Variants in DDX60 observed in about 807,000 individuals in gnomAD.
DDX60 encodes the protein probable ATP-dependent RNA helicase DDX60.
Under a neutral mutation model 212.8 loss-of-function variants are expected in DDX60, and 165 were observed. The observed-to-expected ratio is 0.78, with a 90% CI of 0.68 to 0.88. The LOEUF is 0.88. Ranked by LOEUF, DDX60 falls within the 40% of genes least tolerant of loss-of-function variation. DDX60 has a pLI of 0.00. For missense variants in DDX60, 1,905 were observed against 2,003.9 expected (o/e 0.95, Z 0.94); for synonymous variants, 703 against 685.3 (o/e 1.03, Z -0.40).
intron 30 of DDX60, among the ~76,000 whole-genome samples, chr4:168,245,867 T>C (rs1026282473): frequency 2.0e-5 from 3 of 151,998 alleles, no homozygotes; most frequent in Non-Finnish European, 2.9e-5. Context: ...TACAACGATA[T>C]CAGTGTTTAA....
chr4:168,278,848 A>C (rs1265495571), intron 14 of DDX60, among the ~76,000 whole-genome samples: 1 of 152,114 alleles, frequency 6.6e-6, no homozygotes. Flanking sequence ...AAAACAAAAA[A>C]ACTACTGACT....
At position 168,224,256 on chromosome 4, in the gene DDX60, T is replaced by C; in HGVS notation, c.4811A>G (p.Glu1604Gly). 1 of 1,612,360 alleles carries C rather than the reference T, an allele frequency of 6.2e-7. No homozygotes were observed. The highest frequency in any genetic ancestry group is 8.5e-7 in the Non-Finnish European group (1 of 1,178,834). Residue 1604 changes from glutamate to glycine, a missense_variant, in exon 35 of 38, where the codon GAA becomes GGA. Physicochemically the swap from Glu to Gly is moderately conservative, Grantham distance 98. Transcript: ENST00000393743. ...CTCTTCACTTACATGGTTTGGAGTT[T>C]CTAGTCGAAGCAAATCATCATCAAA... ...GNFDDDLLRLETPNHVTLGTI... is the reference protein window; with the variant it reads ...GNFDDDLLRLGTPNHVTLGTI...
intron 6 of DDX60, among the ~76,000 whole-genome samples, chr4:168,298,505 T>A (rs1736506456): frequency 6.6e-6 from 1 of 152,162 alleles, no homozygotes; most frequent in Admixed American, 6.5e-5. Flanking sequence ...AGAAAAGCAG[T>A]CTTTTATTCT....
chr4:168,246,314 T>A (rs1035907919), intron 30 of DDX60, 104 bp downstream of exon 30: 9 of 1,315,998 alleles, frequency 6.8e-6, no homozygotes, highest in Admixed American at 4.2e-5. Context: ...AAAAGACTGA[T>A]GAAACTCAAG....
chr4:168,219,539 G>A (rs1421267664), intron 37 of DDX60, among the ~76,000 whole-genome samples: 6 of 152,052 alleles, frequency 3.9e-5, no homozygotes, highest in African/African-American at 1.2e-4. Context: ...GGACAAAGCA[G>A]TTTCCTTCTG....
intron 34 of DDX60, among the ~76,000 whole-genome samples, chr4:168,225,184 T>G (rs1299800297): frequency 6.6e-6 from 1 of 152,038 alleles, no homozygotes; most frequent in East Asian, 1.9e-4. Flanking sequence ...GAAAATATGC[T>G]CAGAATCTGT....
At chr4:168,227,982 G>A (rs1733318067) in intron 33 of DDX60, among the ~76,000 whole-genome samples, 1 of 152,016 alleles carries the variant, frequency 6.6e-6, no homozygotes, top group Non-Finnish European at 1.5e-5. Flanking sequence ...ATAGTCTGAT[G>A]TCACTTAATG....
intron 30 of DDX60, among the ~76,000 whole-genome samples, chr4:168,239,287 T>G (rs1270997164): frequency 6.6e-6 from 1 of 151,790 alleles, no homozygotes; most frequent in Non-Finnish European, 1.5e-5. Context: ...GATTGATAGA[T>G]GTAGATAGAT....
intron 5 of DDX60, among the ~76,000 whole-genome samples, chr4:168,304,882 T>A (rs1736809272): frequency 6.6e-6 from 1 of 152,250 alleles, no homozygotes; most frequent in African/African-American, 2.4e-5. Flanking sequence ...ACTGTATATA[T>A]TAATAACATC....
chr4:168,267,693 T>TA lies in DDX60; in HGVS notation c.2930-3dup. On this transcript the variant is annotated splice_polypyrimidine_tract_variant and splice_region_variant and intron_variant, in intron 21 of 37. Transcript: ENST00000393743. ...CATTATACCTCTCTCCATAGAGCACTAAAAATGAAGAACAAGAATTTCCAC... is the reference window on the plus strand; with the variant it reads ...CATTATACCTCTCTCCATAGAGCACTAAAAAATGAAGAACAAGAATTTCCAC... 6.4e-7 allele frequency: 1 copy of TA among 1,572,738 alleles called. No homozygotes were observed. The highest frequency in any genetic ancestry group is 8.6e-7 in the Non-Finnish European group (1 of 1,159,686).
At chr4:168,227,833 T>C (rs1733311915) in intron 33 of DDX60, among the ~76,000 whole-genome samples, 1 of 152,126 alleles carries the variant, frequency 6.6e-6, no homozygotes, top group African/African-American at 2.4e-5. Context: ...TATTTATAAA[T>C]TAATTTTTTA....
intron 1 of DDX60, among the ~76,000 whole-genome samples, chr4:168,315,453 GA>G (rs1340549383): frequency 6.6e-6 from 1 of 152,148 alleles, no homozygotes; most frequent in Non-Finnish European, 1.5e-5. Context: ...TACATGTGCA[GA>G]ACATGCAGGT....
At position 168,285,547 on chromosome 4, in the gene DDX60, C is replaced by T. The variant is rs373671654; in HGVS notation, c.1340-49G>A. The T allele has an allele frequency of 1.4e-3, 1,563 of 1,129,362 alleles. 1 individual carries two copies. The highest frequency in any genetic ancestry group is 1.8e-3 in the Non-Finnish European group (1,421 of 772,492). 70.0% of individuals were successfully genotyped at this position (1,129,362 alleles called of 1,614,324 possible). On this transcript the variant is annotated intron_variant, in intron 10 of 37. Coordinates refer to ENST00000393743, the MANE Select transcript of DDX60 (RefSeq NM_017631.6). ...GAGACAAGGTCAAATGTAAAGCTTT[C>T]AGACAGGAATATTACATATTATTTT...
At chr4:168,227,415 C>G (rs1437483958) in intron 33 of DDX60, among the ~76,000 whole-genome samples, 1 of 151,842 alleles carries the variant, frequency 6.6e-6, no homozygotes, top group Admixed American at 6.6e-5. Context: ...TAGTACTGCC[C>G]CATTTTCTTT....
At chr4:168,305,927 T>C (rs555834010) in intron 5 of DDX60, among the ~76,000 whole-genome samples, 2 of 152,278 alleles carry the variant, frequency 1.3e-5, no homozygotes, top group East Asian at 3.9e-4. Flanking sequence ...AACAGGGGCG[T>C]AATTTTTGCC....
chr4:168,285,162 A>G (rs549533448), intron 11 of DDX60, among the ~76,000 whole-genome samples: 8 of 152,340 alleles, frequency 5.3e-5, no homozygotes, highest in Non-Finnish European at 1.2e-4. Flanking sequence ...TCATTAATTC[A>G]TTAATTTAAA....
At chr4:168,225,368 T>C (rs1480291658) in intron 34 of DDX60, among the ~76,000 whole-genome samples, 161 bp downstream of exon 34, 1 of 152,034 alleles carries the variant, frequency 6.6e-6, no homozygotes, top group Non-Finnish European at 1.5e-5. Context: ...CCTTTTAATG[T>C]CTAATAAGCA....
Position 168,217,027 on chromosome 4 carries a change from G to T in DDX60, c.5045C>A (p.Ser1682Tyr). The T allele has an allele frequency of 6.2e-7, 1 of 1,601,352 alleles. No individual in the cohort carries two copies. Among genetic ancestry groups the T allele is most frequent in the Non-Finnish European group, 8.5e-7 (1 of 1,175,034 alleles). Reference protein sequence around the residue: ...FALTIKSISVSLRELCENEDD... With the variant: ...FALTIKSISVYLRELCENEDD... The stretch of plus-strand genomic sequence containing the variant: ...TTCATTTTCACATAGCTCACGCAAG[G>T]AAACACTGGAAATGGGGAAAAAAAT... Residue 1682 changes from serine (S) to tyrosine (Y), a missense_variant, in exon 38 of 38, where the codon TCC (serine) becomes TAC (tyrosine). Coordinates refer to ENST00000393743, the MANE Select transcript of DDX60 (RefSeq NM_017631.6).
intron 30 of DDX60, 88 bp from the exon 31 acceptor site, chr4:168,237,883 A>C (rs1733686545): frequency 1.1e-6 from 1 of 923,754 alleles, no homozygotes; most frequent in African/African-American, 1.7e-5. Context: ...ATCAATATCT[A>C]TTATACCACA....
Sources: allele counts gnomAD v4.1 joint callset (sites outside exome capture counted in the v4.1 genomes callset), GRCh38; gene constraint gnomAD v4.1.1; transcripts MANE v1.5; gene names NCBI Gene and HGNC (gene_info 2026-07-23, HGNC 2026-07-21).